Variants in KCNMA1 observed in about 807,000 individuals in gnomAD.
KCNMA1 encodes Calcium-activated potassium channel subunit alpha-1.
In KCNMA1, 29 loss-of-function variants were observed where a neutral mutation model predicts 140.0. The observed-to-expected ratio is 0.21, with a 90% CI of 0.15 to 0.28. KCNMA1 has a LOEUF of 0.28. Ranked by LOEUF, KCNMA1 falls within the 10% of genes least tolerant of loss-of-function variation. KCNMA1 has a pLI of 1.00. For missense variants in KCNMA1, 880 were observed against 1,602.2 expected (o/e 0.55, Z 7.70); for synonymous variants, 612 against 611.9 (o/e 1.00, Z 0.00).
At position 77,569,805 on chromosome 10, in the gene KCNMA1, C is replaced by A. The variant is rs532822118; in HGVS notation, c.378+67460G>T. On this transcript the variant is annotated intron_variant, in intron 1 of 27. Coordinates refer to ENST00000286628, the MANE Select transcript of KCNMA1 (RefSeq NM_001161352.2). ...ACCATCAGAGTGAACAGGCAACCTA[C>A]AAAATGGGAGAAAATTTTCACAACC... Among the ~76,000 whole-genome samples, 683 of 152,184 alleles carry A rather than the reference C, an allele frequency of 4.5e-3. 1 individual carries two copies. Among genetic ancestry groups the A allele is most frequent in the Middle Eastern group, 6.8e-3 (2 of 294 alleles).
intron 17 of KCNMA1, among the ~76,000 whole-genome samples, chr10:77,012,817 C>T (rs2153457357): frequency 6.6e-6 from 1 of 152,280 alleles, no homozygotes; most frequent in South Asian, 2.1e-4. Flanking sequence ...AAGAAAATCC[C>T]CTAATCTGAC....
At chr10:77,313,808 C>T (rs1480237035) in intron 2 of KCNMA1, 1 of 152,162 alleles carries the variant, frequency 6.6e-6, no homozygotes, top group Non-Finnish European at 1.5e-5. Flanking sequence ...TTGTCAAAAA[C>T]TTTATCTGTG....
chr10:77,525,363 C>T (rs1360227307), intron 1 of KCNMA1, among the ~76,000 whole-genome samples: 1 of 152,176 alleles, frequency 6.6e-6, no homozygotes, highest in East Asian at 1.9e-4. Context: ...TGCCTTGAGG[C>T]TTCTTTAACT....
At chr10:76,934,283 T>G (rs997247811) in intron 23 of KCNMA1, among the ~76,000 whole-genome samples, 1 of 152,228 alleles carries the variant, frequency 6.6e-6, no homozygotes, top group Non-Finnish European at 1.5e-5. Flanking sequence ...CAGGGCCATT[T>G]ATTTCTTTAT....
intron 1 of KCNMA1, among the ~76,000 whole-genome samples, chr10:77,502,597 T>C (rs1204030402): frequency 2.6e-5 from 4 of 152,068 alleles, no homozygotes; most frequent in Non-Finnish European, 4.4e-5. Flanking sequence ...CCCCCACATC[T>C]CTGGCACCCC....
intron 2 of KCNMA1, among the ~76,000 whole-genome samples, chr10:77,384,228 A>G (rs2095526516): frequency 6.6e-6 from 1 of 152,240 alleles, no homozygotes; most frequent in South Asian, 2.1e-4. Flanking sequence ...CCAGTTGAGA[A>G]CATGACCTCA....
At chr10:77,226,753 T>C (rs2051576835) in intron 3 of KCNMA1, among the ~76,000 whole-genome samples, 1 of 152,002 alleles carries the variant, frequency 6.6e-6, no homozygotes. Context: ...AGAAGAGAAG[T>C]GGAATCAATC....
chr10:77,588,469 C>T (rs555769123), intron 1 of KCNMA1, among the ~76,000 whole-genome samples: 1 of 152,252 alleles, frequency 6.6e-6, no homozygotes, highest in South Asian at 2.1e-4. Flanking sequence ...TTTATCATAT[C>T]AAAGTAAGGA....
chr10:77,485,237 C>A (rs555896052), intron 1 of KCNMA1, among the ~76,000 whole-genome samples: 3 of 152,180 alleles, frequency 2.0e-5, no homozygotes, highest in East Asian at 1.9e-4. Flanking sequence ...ATATTACATA[C>A]GCAATAAAGT....
At chr10:77,182,068 C>G (rs1241971588) in intron 5 of KCNMA1, among the ~76,000 whole-genome samples, 2 of 152,150 alleles carry the variant, frequency 1.3e-5, no homozygotes, top group African/African-American at 4.8e-5. Flanking sequence ...AAATGGATTG[C>G]TAGCGGAAGC....
At chr10:77,098,575 TA>T (rs11443814) in intron 9 of KCNMA1, among the ~76,000 whole-genome samples, 1,513 of 143,856 alleles carry the variant, frequency 0.011, 16 homozygotes, top group African/African-American at 0.036. Flanking sequence ...CCCTAACCTT[TA>T]AAAAAAAAAA....
At chr10:77,146,972 C>T (rs2098313973) in intron 5 of KCNMA1, among the ~76,000 whole-genome samples, 1 of 152,044 alleles carries the variant, frequency 6.6e-6, no homozygotes, top group Non-Finnish European at 1.5e-5. Flanking sequence ...AAGTATTGAC[C>T]ATGGGGAAGG....
chr10:77,626,959 T>C (rs1016958693), intron 1 of KCNMA1, among the ~76,000 whole-genome samples: 1 of 152,204 alleles, frequency 6.6e-6, no homozygotes, highest in African/African-American at 2.4e-5. Flanking sequence ...CTTTTTTCCT[T>C]GGTGTCAACC....
At chr10:76,889,672 C>T in intron 26 of KCNMA1, 103 bp from the exon 27 acceptor site, 3 of 952,852 alleles carry the variant, frequency 3.1e-6, no homozygotes, top group Non-Finnish European at 3.4e-6. Flanking sequence ...GTTTTGGTGT[C>T]TCCCAAGTTG....
rs150413627 is a variant in KCNMA1, at chr10:77,129,056, C to G, written c.809-8008G>C. ...GAGGCCTGCTTCCCACCAGATTCAA[C>G]GGGTCTGGGATACAAGCTGGGCATC... On this transcript the variant is annotated intron_variant, in intron 5 of 27. Transcript: ENST00000286628. Among the ~76,000 whole-genome samples the G allele has an allele frequency of 5.2e-3, 799 of 152,328 alleles. 9 individuals carry two copies. The highest frequency in any genetic ancestry group is 0.019 in the African/African-American group (775 of 41,570).
intron 1 of KCNMA1, among the ~76,000 whole-genome samples, chr10:77,568,030 C>G (rs866450468): frequency 6.6e-6 from 1 of 152,162 alleles, no homozygotes; most frequent in Non-Finnish European, 1.5e-5. Flanking sequence ...CAAGACTAAA[C>G]CAGGAAGAAG....
At chr10:77,457,608 T>C (rs946516456) in intron 1 of KCNMA1, among the ~76,000 whole-genome samples, 1 of 152,128 alleles carries the variant, frequency 6.6e-6, no homozygotes, top group Non-Finnish European at 1.5e-5. Flanking sequence ...CTTGGCTTTT[T>C]ATCTCCTTGG....
intron 1 of KCNMA1, among the ~76,000 whole-genome samples, chr10:77,591,962 TC>T (rs2079314304): frequency 6.6e-6 from 1 of 151,318 alleles, no homozygotes; most frequent in Non-Finnish European, 1.5e-5. Context: ...TTCTCTCAGG[TC>T]AGGTCAGATG....
chr10:77,083,071 TA>T (rs2096615763), intron 12 of KCNMA1, among the ~76,000 whole-genome samples: 2 of 152,132 alleles, frequency 1.3e-5, no homozygotes, highest in African/African-American at 2.4e-5. Flanking sequence ...CAGGAGGCAG[TA>T]AACCAAGCCA....
Sources: allele counts gnomAD v4.1 joint callset (sites outside exome capture counted in the v4.1 genomes callset), GRCh38; gene constraint gnomAD v4.1.1; transcripts MANE v1.5; gene names NCBI Gene and HGNC (gene_info 2026-07-23, HGNC 2026-07-21).